The following SLC2A12 variants were observed in gnomAD, a reference collection of about 807,000 sequenced individuals.
SLC2A12 encodes the protein solute carrier family 2 member 12.
In SLC2A12, 23 loss-of-function variants were observed where a neutral mutation model predicts 41.8. The ratio of observed to expected loss-of-function variants is 0.55; its 90% CI spans 0.40 to 0.78. SLC2A12 has a LOEUF of 0.78. SLC2A12 is among the 30% of genes least tolerant of loss of function. SLC2A12 has a pLI of 0.00. For synonymous variants in SLC2A12, 295 were observed against 285.9 expected, an observed-to-expected ratio of 1.03 and a Z score of -0.32; for missense variants, 654 against 745.6, an observed-to-expected ratio of 0.88 and a Z score of 1.43.
intron 1 of SLC2A12, among the ~76,000 whole-genome samples, chr6:134,031,518 G>A (rs1777207670): frequency 6.6e-6 from 1 of 152,136 alleles, no homozygotes; most frequent in Non-Finnish European, 1.5e-5. Context: ...GCAGGTGGGT[G>A]GGTGATTTTA....
intron 1 of SLC2A12, among the ~76,000 whole-genome samples, chr6:134,030,479 G>A (rs754026331): frequency 1.8e-4 from 27 of 152,250 alleles, no homozygotes; most frequent in African/African-American, 5.3e-4. Flanking sequence ...CCTTTATATT[G>A]TTCTTTCGTT....
Position 134,029,494 on chromosome 6 carries a change from T to A in SLC2A12, c.331A>T (p.Ile111Phe), listed in dbSNP as rs1317428650. The A allele has an allele frequency of 6.2e-7, 1 of 1,614,024 alleles. No individual in the cohort carries two copies. The highest frequency in any genetic ancestry group is 8.5e-7 in the Non-Finnish European group (1 of 1,180,032). Reference sequence around the variant, plus strand: ...AGTCCAAGCAGGCAGGATGACAAGATGATTGCTGTCCTTCTTCCATATCTG... The same window carrying A: ...AGTCCAAGCAGGCAGGATGACAAGAAGATTGCTGTCCTTCTTCCATATCTG... ...IDRYGRRTAI[I>F]LSSCLLGLGS... The change falls in exon 2 of 5, where the codon ATC becomes TTC. Residue 111 changes from isoleucine to phenylalanine, a missense_variant. Around this residue, in one of 3 missense-constraint regions of SLC2A12, gnomAD observed 109 missense variants for 153.0 expected, o/e 0.71. Coordinates refer to ENST00000275230, the MANE Select transcript of SLC2A12 (RefSeq NM_145176.3).
chr6:134,021,617 C>G (rs1030396871), intron 2 of SLC2A12, among the ~76,000 whole-genome samples: 4 of 152,178 alleles, frequency 2.6e-5, no homozygotes, highest in Non-Finnish European at 5.9e-5. Flanking sequence ...ACAGATATTA[C>G]TATGCCCATT....
chr6:134,039,435 T>A (rs1226688600), intron 1 of SLC2A12, among the ~76,000 whole-genome samples: 1 of 152,240 alleles, frequency 6.6e-6, no homozygotes, highest in Non-Finnish European at 1.5e-5. Context: ...AGAACAGAAA[T>A]CAGATGCTTT....
chr6:134,033,281 T>A (rs72984227), intron 1 of SLC2A12, among the ~76,000 whole-genome samples: 2,653 of 152,220 alleles, frequency 0.017, 89 homozygotes, highest in East Asian at 0.13. Context: ...TTGTGTGCTG[T>A]TTGACTTTTT....
chr6:133,997,085 CAAA>C (rs58295985), intron 4 of SLC2A12, among the ~76,000 whole-genome samples: 8,567 of 70,646 alleles, frequency 0.12, 231 homozygotes, highest in African/African-American at 0.23. Context: ...ACTAAAAATA[CAAA>C]AAAAAAAAAA....
At chr6:133,992,466 T>G (rs1368462095) in intron 4 of SLC2A12, among the ~76,000 whole-genome samples, 1 of 152,136 alleles carries the variant, frequency 6.6e-6, no homozygotes, top group Non-Finnish European at 1.5e-5. Flanking sequence ...CAGGGAAATG[T>G]GGTATATTGC....
chr6:134,051,803 T>C (rs918954371), intron 1 of SLC2A12, among the ~76,000 whole-genome samples: 1 of 152,240 alleles, frequency 6.6e-6, no homozygotes, highest in Non-Finnish European at 1.5e-5. Flanking sequence ...AGGCTCTGAA[T>C]AACGCTCAAA....
chr6:134,027,715 C>T (rs1442471818), intron 2 of SLC2A12, among the ~76,000 whole-genome samples: 1 of 152,056 alleles, frequency 6.6e-6, no homozygotes, highest in East Asian at 1.9e-4. Flanking sequence ...AAGAGTTTGC[C>T]CAAGAGAGGT....
intron 4 of SLC2A12, among the ~76,000 whole-genome samples, chr6:133,992,663 G>A (rs929528423): frequency 4.6e-5 from 7 of 152,156 alleles, no homozygotes; most frequent in African/African-American, 1.4e-4. Flanking sequence ...AGAGTAAAGG[G>A]AGAAGGGGAA....
Position 133,989,994 on chromosome 6 carries a change from A to G in SLC2A12, c.*1161T>C, listed in dbSNP as rs531600307. ...TTCAAGATTTGATTGTGGATTTTCT[A>G]TCATACCCAAATTTTATTAGTAAGA... On this transcript the variant is annotated 3_prime_UTR_variant, in exon 5 of 5. Transcript: ENST00000275230. 6.6e-6 allele frequency: 1 copy of G among 152,464 alleles called. No individual in the cohort carries two copies. Among genetic ancestry groups the G allele is most frequent in the South Asian group, 2.1e-4 (1 of 4,828 alleles). 9.4% of individuals were successfully genotyped at this position (152,464 alleles called of 1,614,324 possible).
rs184725617 is a variant in SLC2A12 at position 134,001,874 on chromosome 6, G to A, written c.1700+123C>T. 1.5e-3 allele frequency: 1,584 copies of A among 1,043,302 alleles called. 5 individuals are homozygous for A. The highest frequency in any genetic ancestry group is 1.7e-3 in the Non-Finnish European group (1,288 of 761,530). 64.6% of individuals were successfully genotyped at this position (1,043,302 alleles called of 1,614,324 possible). A position where few individuals can be genotyped will look rare whatever the true frequency, so the allele number is the denominator to read the frequency against. On this transcript the variant is annotated intron_variant, in intron 4 of 4. Coordinates refer to ENST00000275230, the MANE Select transcript of SLC2A12 (RefSeq NM_145176.3). The stretch of plus-strand genomic sequence containing the variant: ...ATTATGCACTGAGACATAGTCTTAC[G>A]CTAAAGGGAATGTCCTAATCTAATA...
intron 3 of SLC2A12, among the ~76,000 whole-genome samples, chr6:134,005,919 C>T (rs932536564): frequency 4.0e-5 from 6 of 151,500 alleles, no homozygotes; most frequent in Non-Finnish European, 5.9e-5. Flanking sequence ...GCCTGTAATC[C>T]CAGCACTTTG....
At chr6:134,051,341 G>A (rs897474569) in intron 1 of SLC2A12, among the ~76,000 whole-genome samples, 1 of 152,116 alleles carries the variant, frequency 6.6e-6, no homozygotes, top group Non-Finnish European at 1.5e-5. Context: ...TCACAGGTTC[G>A]ATTCCCCAAG....
At chr6:134,020,901 C>T (rs1777031716) in intron 2 of SLC2A12, among the ~76,000 whole-genome samples, 1 of 152,182 alleles carries the variant, frequency 6.6e-6, no homozygotes, top group African/African-American at 2.4e-5. Flanking sequence ...TTCTCCGAAG[C>T]CCCTCTTCTC....
At chr6:134,038,128 AAT>A (rs1777328600) in intron 1 of SLC2A12, among the ~76,000 whole-genome samples, 1 of 152,106 alleles carries the variant, frequency 6.6e-6, no homozygotes, top group South Asian at 2.1e-4. Context: ...AAAATATAGA[AAT>A]GTTGCGATCT....
chr6:134,007,304 A>G (rs890424926), intron 2 of SLC2A12, among the ~76,000 whole-genome samples: 14 of 152,252 alleles, frequency 9.2e-5, no homozygotes, highest in African/African-American at 3.4e-4. Flanking sequence ...CAGAAGCCTC[A>G]GTGCCAGAGC....
At position 133,992,635 on chromosome 6, in the gene SLC2A12, G is replaced by C. The variant is rs114670594; in HGVS notation, c.1701-1327C>G. On this transcript the variant is annotated intron_variant, in intron 4 of 4. Transcript: ENST00000275230. ...GGTCAGAGTTAAGGTTTGCCTGAGT[G>C]ATGGAGGGAGAGAGAAGAGAGTAAA... Among the ~76,000 whole-genome samples the C allele has an allele frequency of 8.5e-3, 1,290 of 152,296 alleles. 26 individuals carry two copies. Among genetic ancestry groups the C allele is most frequent in the African/African-American group, 0.029 (1,210 of 41,578 alleles).
rs1776586909 is a variant in SLC2A12 at position 133,989,357 on chromosome 6, A to G, written c.*1798T>C. The G allele has an allele frequency of 6.6e-6, 1 of 152,178 alleles. No homozygotes were observed. The highest frequency in any genetic ancestry group is 2.1e-4 in the South Asian group (1 of 4,820). The allele number at this position is 152,178 out of a possible 1,614,324, so 9.4% of individuals were successfully genotyped here. ...ACAGACTCAGGATAATAAAAGAAAA[A>G]TATAAAAGAATGCTCAAGATACTGA... On this transcript the variant is annotated 3_prime_UTR_variant, in exon 5 of 5. Coordinates refer to ENST00000275230, the MANE Select transcript of SLC2A12 (RefSeq NM_145176.3).
Sources: gnomAD v4.1 joint callset for allele counts (sites outside exome capture counted in the v4.1 genomes callset) on GRCh38, gnomAD v4.1.1 for gene constraint, gnomAD v4.1.1 regional missense constraint, MANE v1.5 for transcripts, NCBI Gene and HGNC (gene_info 2026-07-23, HGNC 2026-07-21) for gene names.